The following SIPA1L3 variants were observed in gnomAD, a reference collection of about 807,000 sequenced individuals.
The protein encoded by SIPA1L3 is signal-induced proliferation-associated 1-like protein 3.
In SIPA1L3, 59 loss-of-function variants were observed where a neutral mutation model predicts 150.1. That is an observed-to-expected ratio of 0.39 (90% CI 0.32 to 0.49). The LOEUF is 0.49. SIPA1L3 is among the 20% of genes least tolerant of loss of function. The probability of loss-of-function intolerance (pLI) is 0.86; values close to 1 mark genes in which losing one functional copy is unlikely to be tolerated. For synonymous variants in SIPA1L3, 1,070 were observed against 1,077.6 expected, an observed-to-expected ratio of 0.99 and a Z score of 0.14; for missense variants, 2,211 against 2,489.5, an observed-to-expected ratio of 0.89 and a Z score of 2.38.
chr19:38,194,515 G>A (rs965224035), intron 18 of SIPA1L3, among the ~76,000 whole-genome samples: 4 of 152,342 alleles, frequency 2.6e-5, no homozygotes, highest in East Asian at 1.9e-4. Flanking sequence ...GAGCGCTGGC[G>A]TGCCACTGCG....
chr19:38,161,194 T>A (rs1388168495), intron 13 of SIPA1L3, among the ~76,000 whole-genome samples: 1 of 144,606 alleles, frequency 6.9e-6, no homozygotes, highest in Non-Finnish European at 1.5e-5. Context: ...ATACAAAAAT[T>A]AGCCGGGCGT....
At chr19:38,097,836 G>T (rs1970413000) in intron 4 of SIPA1L3, among the ~76,000 whole-genome samples, 2 of 152,200 alleles carry the variant, frequency 1.3e-5, no homozygotes, top group African/African-American at 4.8e-5. Context: ...GGGATTACAG[G>T]TGTGAGCCAC....
At chr19:37,936,342 T>G (rs1173269280) in intron 1 of SIPA1L3, among the ~76,000 whole-genome samples, 1 of 152,088 alleles carries the variant, frequency 6.6e-6, no homozygotes, top group Non-Finnish European at 1.5e-5. Flanking sequence ...ACAGAAGTGG[T>G]GGGTAAACAG....
At chr19:37,969,017 G>A (rs1193145188) in intron 1 of SIPA1L3, among the ~76,000 whole-genome samples, 3 of 152,168 alleles carry the variant, frequency 2.0e-5, no homozygotes, top group Non-Finnish European at 4.4e-5. Flanking sequence ...AGAGACAATG[G>A]CTGCTAGGGG....
chr19:38,198,925 C>T (rs1973026980), intron 19 of SIPA1L3, among the ~76,000 whole-genome samples: 1 of 152,200 alleles, frequency 6.6e-6, no homozygotes, highest in African/African-American at 2.4e-5. Context: ...CCACTGCACT[C>T]ACTGCACTCC....
chr19:38,081,296 C>T lies in SIPA1L3; in HGVS notation c.-270C>T, dbSNP rs963165642. The stretch of plus-strand genomic sequence containing the variant: ...ATCCTTGCTGCCTCCAGCTGGCGGG[C>T]GACCACAGCTACTGCCTGCTCTGCG... On this transcript the variant is annotated 5_prime_UTR_variant, in exon 3 of 22. The change creates a premature stop within an existing upstream ORF in the 5' untranslated region. Coordinates refer to ENST00000222345, the MANE Select transcript of SIPA1L3 (RefSeq NM_015073.3). 5.4e-5 allele frequency: 23 copies of T among 423,754 alleles called. No individual in the cohort carries two copies. Among genetic ancestry groups the T allele is most frequent in the Non-Finnish European group, 9.6e-5 (23 of 239,914 alleles). 26.2% of individuals were successfully genotyped at this position (423,754 alleles called of 1,614,324 possible). A position where few individuals can be genotyped will look rare whatever the true frequency, so the allele number is the denominator to read the frequency against.
intron 2 of SIPA1L3, among the ~76,000 whole-genome samples, chr19:38,063,475 A>G (rs1204682216): frequency 1.3e-5 from 2 of 152,202 alleles, no homozygotes; most frequent in African/African-American, 2.4e-5. Flanking sequence ...TTCTTTTACA[A>G]GGATTCCCTG....
At chr19:38,079,905 A>T (rs1299201542) in intron 2 of SIPA1L3, among the ~76,000 whole-genome samples, 1 of 152,152 alleles carries the variant, frequency 6.6e-6, no homozygotes, top group Non-Finnish European at 1.5e-5. Context: ...CAGCCCCAAG[A>T]AGGACTGAGG....
At chr19:38,090,934 G>T (rs952882920) in intron 4 of SIPA1L3, among the ~76,000 whole-genome samples, 23 of 152,204 alleles carry the variant, frequency 1.5e-4, no homozygotes, top group African/African-American at 4.1e-4. Flanking sequence ...ACCACAGGTG[G>T]TCACCAGCCT....
intron 3 of SIPA1L3, among the ~76,000 whole-genome samples, chr19:38,085,506 C>T (rs1970107764): frequency 2.7e-5 from 4 of 150,164 alleles, no homozygotes; most frequent in Admixed American, 2.7e-4. Flanking sequence ...AAAAGAAGTT[C>T]CAGACAGTTG....
At chr19:38,074,791 G>C (rs1310105790) in intron 2 of SIPA1L3, among the ~76,000 whole-genome samples, 1 of 152,252 alleles carries the variant, frequency 6.6e-6, no homozygotes, top group Non-Finnish European at 1.5e-5. Flanking sequence ...TTGAGATAGA[G>C]TCTTGCTCTA....
intron 1 of SIPA1L3, among the ~76,000 whole-genome samples, chr19:37,946,308 G>T (rs928308121): frequency 3.9e-5 from 6 of 151,974 alleles, no homozygotes; most frequent in Non-Finnish European, 8.8e-5. Context: ...TTTTTTGTGT[G>T]TGTGTGTGGA....
At chr19:38,192,355 G>A (rs1972824017) in intron 17 of SIPA1L3, 45 bp downstream of exon 17, 1 of 1,530,088 alleles carries the variant, frequency 6.5e-7, no homozygotes, top group South Asian at 1.3e-5. Context: ...AGCTCCCAAG[G>A]GGATCCCAGA....
chr19:38,199,040 A>G (rs1218541336), intron 19 of SIPA1L3, among the ~76,000 whole-genome samples: 1 of 152,092 alleles, frequency 6.6e-6, no homozygotes, highest in Non-Finnish European at 1.5e-5. Flanking sequence ...GGAGCGGAAG[A>G]CTTTTAGTGC....
rs200590315 is a variant in SIPA1L3, at chr19:38,082,958, A to T, written c.1393A>T (p.Ser465Cys). The change falls in exon 3 of 22, where the codon AGC (serine) becomes TGC (cysteine). Residue 465 changes from serine to cysteine, a missense_variant. By Grantham distance (112) the Ser-to-Cys change is moderately radical. Transcript: ENST00000222345. ...GGGCCACCTGGCAGAGCCCGCCCTGAGCGCCTACCGCACCAACGCCAGCAT... is the reference window on the plus strand; with the variant it reads ...GGGCCACCTGGCAGAGCCCGCCCTGTGCGCCTACCGCACCAACGCCAGCAT... ...GEGHLAEPAL[S>C]AYRTNASISV... 1.3e-5 allele frequency: 21 copies of T among 1,612,656 alleles called. No individual in the cohort carries two copies. Among genetic ancestry groups the T allele is most frequent in the Non-Finnish European group, 1.5e-5 (18 of 1,179,788 alleles).
At chr19:38,084,860 G>A (rs1372233214) in intron 3 of SIPA1L3, among the ~76,000 whole-genome samples, 2 of 151,808 alleles carry the variant, frequency 1.3e-5, no homozygotes, top group Non-Finnish European at 1.5e-5. Context: ...GGCTGGTCTC[G>A]AACTCCTGAC....
At chr19:37,995,523 C>T (rs8105848) in intron 1 of SIPA1L3, among the ~76,000 whole-genome samples, 8,415 of 152,116 alleles carry the variant, frequency 0.055, 811 homozygotes, top group African/African-American at 0.19. Context: ...GCTGCAAGTG[C>T]GGGGGAACAC....
At chr19:37,983,245 G>A (rs1967245078) in intron 1 of SIPA1L3, among the ~76,000 whole-genome samples, 1 of 152,206 alleles carries the variant, frequency 6.6e-6, no homozygotes, top group Admixed American at 6.5e-5. Context: ...AGGCAGTGGA[G>A]GGTGGTGGTT....
At chr19:37,980,436 G>T (rs941370652) in intron 1 of SIPA1L3, among the ~76,000 whole-genome samples, 1 of 152,138 alleles carries the variant, frequency 6.6e-6, no homozygotes, top group Non-Finnish European at 1.5e-5. Context: ...TTAGTGTTCT[G>T]GTGGAAACTG....
Sources: gnomAD v4.1 joint callset for allele counts (sites outside exome capture counted in the v4.1 genomes callset) on GRCh38, gnomAD v4.1.1 for gene constraint, MANE v1.5 for transcripts, NCBI Gene and HGNC (gene_info 2026-07-23, HGNC 2026-07-21) for gene names.